CTNND2: variants seen among roughly 807,000 people sequenced by gnomAD.
The protein encoded by CTNND2 is catenin delta 2.
Under a neutral mutation model 144.4 loss-of-function variants are expected in CTNND2, and 22 were observed. The observed-to-expected ratio is 0.15, with a 90% confidence interval of 0.11 to 0.22. The LOEUF is 0.22. Among genes scored for constraint, CTNND2 ranks in the 10% least tolerant of loss-of-function variants. The pLI, the probability that CTNND2 is intolerant of heterozygous loss-of-function variation, is 1.00. For synonymous variants in CTNND2, 751 were observed against 695.6 expected (o/e 1.08, Z -1.25); for missense variants, 1,353 against 1,618.8 (o/e 0.84, Z 2.82).
At chr5:11,164,151 CCTCTCATAAGGG>C (rs1486364346) in intron 11 of CTNND2, among the ~76,000 whole-genome samples, 1 of 152,058 alleles carries the variant, frequency 6.6e-6, no homozygotes, top group Non-Finnish European at 1.5e-5. Flanking sequence ...CTCCTACCTC[CCTCTCATAAGGG>C]CACTCTGATC....
At chr5:10,995,872 CTT>C (rs1739286022) in intron 18 of CTNND2, among the ~76,000 whole-genome samples, 1 of 151,978 alleles carries the variant, frequency 6.6e-6, no homozygotes, top group Admixed American at 6.6e-5. Context: ...GATATTCACT[CTT>C]GATTTTTTTG....
chr5:11,627,763 T>G (rs1041020733), intron 2 of CTNND2, among the ~76,000 whole-genome samples: 1 of 150,936 alleles, frequency 6.6e-6, no homozygotes, highest in African/African-American at 2.4e-5. Flanking sequence ...TTATTTGTAG[T>G]ATTACATGCT....
Position 11,903,763 on chromosome 5 carries a change from A to ACGGCGCCGGGAGGAGG in CTNND2, c.37+38_37+53dup. On this transcript the variant is annotated intron_variant, in intron 1 of 21. Transcript: ENST00000304623. The surrounding 1 kb of genome is among the most constrained non-coding windows in gnomAD (Gnocchi z 5.4). ...CCCCACCAGCGGCAAGAGGAGGAGG[A>ACGGCGCCGGGAGGAGG]CGGCGCCGGGAGGAGGCTGCGCCCG... The ACGGCGCCGGGAGGAGG allele has an allele frequency of 6.9e-7, 1 of 1,456,052 alleles. No individual in the cohort carries two copies. Among genetic ancestry groups the ACGGCGCCGGGAGGAGG allele is most frequent in the Non-Finnish European group, 9.0e-7 (1 of 1,105,536 alleles). The allele number at this position is 1,456,052 out of a possible 1,614,324, so 90.2% of individuals were successfully genotyped here.
chr5:11,576,816 C>G (rs954429549), intron 2 of CTNND2, among the ~76,000 whole-genome samples: 1 of 152,138 alleles, frequency 6.6e-6, no homozygotes, highest in Non-Finnish European at 1.5e-5. Context: ...AGTGCAGTAG[C>G]TCTTTGAGAG....
At chr5:11,297,139 T>C (rs544913868) in intron 9 of CTNND2, among the ~76,000 whole-genome samples, 2 of 152,172 alleles carry the variant, frequency 1.3e-5, no homozygotes, top group African/African-American at 4.8e-5. Context: ...ATCACAGATG[T>C]TCATAAAAGA....
intron 10 of CTNND2, among the ~76,000 whole-genome samples, chr5:11,226,839 C>A (rs1740411588): frequency 6.6e-6 from 1 of 152,186 alleles, no homozygotes; most frequent in Non-Finnish European, 1.5e-5. Context: ...TTGTTCACTG[C>A]TGGATTATTG....
rs1758851290 is a variant in CTNND2 at position 11,384,620 on chromosome 5, G to A, written c.1177+45C>T. 2.6e-6 allele frequency: 4 copies of A among 1,536,614 alleles called. No homozygotes were observed. Among genetic ancestry groups the A allele is most frequent in the East Asian group, 4.7e-5 (2 of 42,536 alleles). On this transcript the variant is annotated intron_variant, in intron 7 of 21. Coordinates refer to ENST00000304623, the MANE Select transcript of CTNND2 (RefSeq NM_001332.4). The surrounding 1 kb of genome is among the most constrained non-coding windows in gnomAD (Gnocchi z 5.2). ...GCCGGGCTGCTGCTTCCGCGTCCCC[G>A]CCACGCGCCCAGGTGAGTCGCGCCA...
intron 5 of CTNND2, among the ~76,000 whole-genome samples, chr5:11,408,961 C>A (rs528811977): frequency 3.4e-4 from 52 of 152,064 alleles, no homozygotes; most frequent in African/African-American, 1.2e-3. Context: ...TTACTATTAT[C>A]GTATGCATCT....
At chr5:11,753,551 G>A (rs1481872056) in intron 1 of CTNND2, among the ~76,000 whole-genome samples, 1 of 151,854 alleles carries the variant, frequency 6.6e-6, no homozygotes, top group Non-Finnish European at 1.5e-5. Context: ...CCTTGTTCGT[G>A]TGCTGCTGGA....
chr5:11,261,899 A>T (rs185840058), intron 9 of CTNND2, among the ~76,000 whole-genome samples: 29 of 152,238 alleles, frequency 1.9e-4, no homozygotes, highest in African/African-American at 6.8e-4. Flanking sequence ...ATGACTACTC[A>T]GCCCAGTGGT....
At chr5:11,537,824 T>A (rs1774361829) in intron 3 of CTNND2, among the ~76,000 whole-genome samples, 1 of 152,164 alleles carries the variant, frequency 6.6e-6, no homozygotes, top group East Asian at 1.9e-4. Flanking sequence ...GCAAACTGAA[T>A]AAAATACCTA....
chr5:11,509,630 A>T (rs1461399253), intron 3 of CTNND2, among the ~76,000 whole-genome samples: 4 of 152,232 alleles, frequency 2.6e-5, no homozygotes, highest in Non-Finnish European at 5.9e-5. Flanking sequence ...AAATTTAAAC[A>T]AATAGATAAA....
intron 10 of CTNND2, among the ~76,000 whole-genome samples, chr5:11,225,922 G>A (rs1164746893): frequency 6.6e-6 from 1 of 152,182 alleles, no homozygotes; most frequent in East Asian, 1.9e-4. Context: ...AAGAAGAGGA[G>A]AAGAGATACA....
At chr5:11,346,005 A>G (rs187811919) in intron 9 of CTNND2, among the ~76,000 whole-genome samples, 1 of 152,326 alleles carries the variant, frequency 6.6e-6, no homozygotes, top group Admixed American at 6.5e-5. Context: ...ACGCATGATG[A>G]CAAAGCATAC....
intron 3 of CTNND2, among the ~76,000 whole-genome samples, chr5:11,436,463 T>A (rs148499572): frequency 6.6e-6 from 1 of 152,216 alleles, no homozygotes; most frequent in Non-Finnish European, 1.5e-5. Flanking sequence ...TTTTATAGAT[T>A]GTTCTTAGTG....
At chr5:11,643,787 T>G (rs1218266082) in intron 2 of CTNND2, among the ~76,000 whole-genome samples, 1 of 151,902 alleles carries the variant, frequency 6.6e-6, no homozygotes, top group Non-Finnish European at 1.5e-5. Context: ...TGCACTAATG[T>G]AATTAAAAAA....
chr5:11,340,532 G>A (rs1330467031), intron 9 of CTNND2, among the ~76,000 whole-genome samples: 1 of 152,152 alleles, frequency 6.6e-6, no homozygotes, highest in Non-Finnish European at 1.5e-5. Context: ...AAAGGATGTG[G>A]AGCAGTGTTT....
intron 11 of CTNND2, among the ~76,000 whole-genome samples, chr5:11,162,884 T>TACACACACACACAC (rs34257746): frequency 4.7e-5 from 7 of 147,786 alleles, no homozygotes; most frequent in African/African-American, 1.8e-4. Flanking sequence ...TCTTTCCTGC[T>TACACACACACACAC]ACACACACAC....
At chr5:11,518,081 C>T (rs573664858) in intron 3 of CTNND2, among the ~76,000 whole-genome samples, 4 of 152,182 alleles carry the variant, frequency 2.6e-5, no homozygotes, top group African/African-American at 4.8e-5. Flanking sequence ...AGTCACACGA[C>T]GTCACATAAC....
Sources: gnomAD v4.1 joint callset for allele counts (sites outside exome capture counted in the v4.1 genomes callset) on GRCh38, gnomAD v4.1.1 for gene constraint, Gnocchi (gnomAD v3.1) non-coding constraint, MANE v1.5 for transcripts, NCBI Gene and HGNC (gene_info 2026-07-23, HGNC 2026-07-21) for gene names.